Variants in EML6 observed in about 807,000 individuals in gnomAD.
EML6 encodes the protein echinoderm microtubule-associated protein-like 6.
Under a neutral mutation model 240.1 loss-of-function variants are expected in EML6, and 154 were observed. The ratio of observed to expected loss-of-function variants is 0.64; its 90% CI spans 0.56 to 0.73. EML6 has a LOEUF of 0.73. Among genes scored for constraint, EML6 ranks in the 30% least tolerant of loss-of-function variants. The pLI, the probability that EML6 is intolerant of heterozygous loss-of-function variation, is 0.00. For synonymous variants in EML6, 1,148 were observed against 899.0 expected, an observed-to-expected ratio of 1.28 and a Z score of -4.95; for missense variants, 2,964 against 2,474.6, an observed-to-expected ratio of 1.20 and a Z score of -4.20.
chr2:54,884,077 A>G (rs1472618076), intron 17 of EML6, among the ~76,000 whole-genome samples: 1 of 152,194 alleles, frequency 6.6e-6, no homozygotes, highest in Middle Eastern at 3.2e-3. Flanking sequence ...GTTCCGTTCT[A>G]TTCTGACACT....
intron 26 of EML6, among the ~76,000 whole-genome samples, chr2:54,920,458 G>A (rs1674164076): frequency 6.6e-6 from 1 of 152,108 alleles, no homozygotes; most frequent in Non-Finnish European, 1.5e-5. Flanking sequence ...AAACTGAAGT[G>A]CAAAGAAATA....
chr2:54,799,861 G>T (rs948625330), intron 2 of EML6, among the ~76,000 whole-genome samples: 42 of 152,228 alleles, frequency 2.8e-4, no homozygotes, highest in African/African-American at 1.0e-3. Flanking sequence ...TTTGTTACTA[G>T]ATAGAGCTCT....
intron 25 of EML6, among the ~76,000 whole-genome samples, chr2:54,915,888 G>A (rs966256370): frequency 3.9e-5 from 6 of 152,154 alleles, no homozygotes; most frequent in Non-Finnish European, 8.8e-5. Flanking sequence ...AATAGCAGAT[G>A]TTGAATGAAA....
At chr2:54,870,848 T>C (rs1671220039) in intron 15 of EML6, among the ~76,000 whole-genome samples, 1 of 152,216 alleles carries the variant, frequency 6.6e-6, no homozygotes, top group Non-Finnish European at 1.5e-5. Flanking sequence ...CATTTATGCC[T>C]ATGGCTTTAT....
Position 54,970,371 on chromosome 2 carries a change from A to C in EML6, c.*276A>C. On this transcript the variant is annotated 3_prime_UTR_variant, in exon 42 of 42. Transcript: ENST00000356458. ...CAGTATACATACTAACTACATTGAC[A>C]AAGAAATCCTATCTGATAATGTAGC... The C allele has an allele frequency of 2.4e-6, 1 of 416,380 alleles. No individual in the cohort carries two copies. The highest frequency in any genetic ancestry group is 4.4e-6 in the Non-Finnish European group (1 of 229,764). 25.8% of individuals were successfully genotyped at this position (416,380 alleles called of 1,614,324 possible).
intron 17 of EML6, chr2:54,879,925 A>G (rs1486032392): frequency 1.3e-5 from 4 of 296,956 alleles, no homozygotes; most frequent in Non-Finnish European, 2.5e-5. Flanking sequence ...GCACTTCAGC[A>G]ATAGAAAAGC....
At position 54,952,396 on chromosome 2, in the gene EML6, C is replaced by T. The variant is rs77353572; in HGVS notation, c.4214-198C>T. ...ATAACAGACAGTAGCTCCCCTTCTC[C>T]CAGACCCAAAACAGAATATGAACAT... is the stretch of plus-strand genomic sequence containing the variant. On this transcript the variant is annotated intron_variant, in intron 30 of 41. Coordinates refer to ENST00000356458, the MANE Select transcript of EML6 (RefSeq NM_001039753.4). Among the ~76,000 whole-genome samples, 39 of 152,262 alleles carry T rather than the reference C, an allele frequency of 2.6e-4. No homozygotes were observed. In the East Asian group the frequency reaches 7.0e-3, roughly 27 times the overall value.
At chr2:54,841,607 T>C in intron 7 of EML6, among the ~76,000 whole-genome samples, 1 of 145,940 alleles carries the variant, frequency 6.9e-6, no homozygotes, top group South Asian at 2.2e-4. Flanking sequence ...TTTTTTTTCT[T>C]TTGAGACAAT....
chr2:54,932,013 A>G (rs895192347), intron 28 of EML6, among the ~76,000 whole-genome samples: 7 of 152,356 alleles, frequency 4.6e-5, no homozygotes, highest in Admixed American at 2.0e-4. Context: ...ATTTGACTTT[A>G]AAATAGCTGT....
chr2:54,958,950 C>A (rs1260799765), intron 33 of EML6, among the ~76,000 whole-genome samples, 154 bp from the exon 34 acceptor site: 2 of 152,178 alleles, frequency 1.3e-5, no homozygotes, highest in African/African-American at 4.8e-5. Context: ...TCGGTGATTT[C>A]TTTGCAAATT....
At chr2:54,742,520 C>T (rs1453321218) in intron 2 of EML6, among the ~76,000 whole-genome samples, 2 of 152,198 alleles carry the variant, frequency 1.3e-5, no homozygotes, top group African/African-American at 4.8e-5. Context: ...TTTTCTCCGT[C>T]TCTTAAACAC....
At chr2:54,738,473 T>A (rs1683494226) in intron 2 of EML6, among the ~76,000 whole-genome samples, 1 of 152,204 alleles carries the variant, frequency 6.6e-6, no homozygotes. Context: ...AGTGTACAGC[T>A]GGATCAATTC....
At position 54,966,873 on chromosome 2, in the gene EML6, G is replaced by A. The variant is rs985117001; in HGVS notation, c.5494-127G>A. On this transcript the variant is annotated intron_variant, in intron 38 of 41. Transcript: ENST00000356458. Reference sequence around the variant, plus strand: ...GCCATAGGCTTTGCAGCCTGGAGCTGAGCTTGGGTTTGGAGAAAAGCCCTA... The same window carrying A: ...GCCATAGGCTTTGCAGCCTGGAGCTAAGCTTGGGTTTGGAGAAAAGCCCTA... 6 of 598,600 alleles carry A rather than the reference G, an allele frequency of 1.0e-5. No individual in the cohort carries two copies. The African/African-American group carries it at 1.1e-4, about 11-fold the overall frequency. The allele number at this position is 598,600 out of a possible 1,614,324, so 37.1% of individuals were successfully genotyped here. A position where few individuals can be genotyped will look rare whatever the true frequency, so the allele number is the denominator to read the frequency against.
At chr2:54,872,895 A>G (rs749651471) in intron 16 of EML6, among the ~76,000 whole-genome samples, 3 of 152,052 alleles carry the variant, frequency 2.0e-5, no homozygotes, top group Non-Finnish European at 4.4e-5. Flanking sequence ...CATTGCTCTT[A>G]TGGCACCCAT....
intron 2 of EML6, among the ~76,000 whole-genome samples, chr2:54,759,699 C>T (rs1572865117): frequency 6.6e-6 from 1 of 152,134 alleles, no homozygotes; most frequent in Admixed American, 6.5e-5. Context: ...AACACATCTT[C>T]ATCACCAAGC....
intron 8 of EML6, among the ~76,000 whole-genome samples, chr2:54,847,044 G>A (rs764346930): frequency 1.7e-4 from 26 of 150,816 alleles, no homozygotes; most frequent in Non-Finnish European, 3.2e-4. Context: ...AGTAGCTGGG[G>A]CTACAGGCAC....
chr2:54,888,659 T>C (rs1672287257), intron 17 of EML6, among the ~76,000 whole-genome samples: 1 of 152,230 alleles, frequency 6.6e-6, no homozygotes, highest in African/African-American at 2.4e-5. Context: ...TAATGATATA[T>C]ATTTACATTT....
intron 16 of EML6, among the ~76,000 whole-genome samples, chr2:54,875,087 T>C (rs1671438653): frequency 6.6e-6 from 1 of 152,178 alleles, no homozygotes; most frequent in African/African-American, 2.4e-5. Flanking sequence ...CAGGCTCACT[T>C]TCTGCTACCT....
intron 2 of EML6, among the ~76,000 whole-genome samples, chr2:54,798,452 C>T (rs989287147): frequency 3.3e-5 from 5 of 152,140 alleles, no homozygotes; most frequent in South Asian, 2.1e-4. Flanking sequence ...GGATTACAGG[C>T]GTGAGCGACC....
Sources: gnomAD v4.1 joint callset for allele counts (sites outside exome capture counted in the v4.1 genomes callset) on GRCh38, gnomAD v4.1.1 for gene constraint, MANE v1.5 for transcripts, NCBI Gene and HGNC (gene_info 2026-07-23, HGNC 2026-07-21) for gene names.